Variants in NEDD4 observed in about 807,000 individuals in gnomAD.
The protein encoded by NEDD4 is NEDD4 E3 ubiquitin protein ligase.
A neutral mutation model predicts 144.9 loss-of-function variants in NEDD4; 99 were observed. The observed-to-expected ratio is 0.68, with a 90% CI of 0.58 to 0.81. NEDD4 has a LOEUF of 0.81. NEDD4 is among the 30% of genes least tolerant of loss of function. NEDD4 has a pLI of 0.00. For missense variants in NEDD4, 985 were observed against 1,065.9 expected, an observed-to-expected ratio of 0.92 and a Z score of 1.06; for synonymous variants, 318 against 350.6, an observed-to-expected ratio of 0.91 and a Z score of 1.04.
chr15:55,936,973 A>G (rs192911445), intron 4 of NEDD4, among the ~76,000 whole-genome samples: 154 of 152,016 alleles, frequency 1.0e-3, no homozygotes, highest in Admixed American at 2.4e-3. Context: ...TTGTATTTTT[A>G]GCAGAGATGA....
intron 1 of NEDD4, among the ~76,000 whole-genome samples, chr15:55,981,775 G>A (rs1429176662): frequency 6.6e-6 from 1 of 152,088 alleles, no homozygotes; most frequent in Non-Finnish European, 1.5e-5. Flanking sequence ...ACACACTGTG[G>A]GGTAGTCTGT....
At chr15:55,912,318 T>C (rs981081477) in intron 5 of NEDD4, among the ~76,000 whole-genome samples, 2 of 152,170 alleles carry the variant, frequency 1.3e-5, no homozygotes, top group African/African-American at 2.4e-5. Flanking sequence ...TATTGAAATG[T>C]ATAATCTTGA....
intron 5 of NEDD4, chr15:55,915,163 TA>T (rs1465834264): frequency 1.3e-6 from 1 of 789,078 alleles, no homozygotes; most frequent in African/African-American, 1.7e-5. Flanking sequence ...GACTACAAAA[TA>T]CTGCTAGCTA....
At chr15:55,865,370 T>A (rs2034551677) in intron 8 of NEDD4, among the ~76,000 whole-genome samples, 1 of 152,080 alleles carries the variant, frequency 6.6e-6, no homozygotes, top group Non-Finnish European at 1.5e-5. Flanking sequence ...GAATAATATC[T>A]AAATGTTTAA....
At chr15:55,956,529 A>G (rs1249757861) in intron 2 of NEDD4, among the ~76,000 whole-genome samples, 1 of 152,202 alleles carries the variant, frequency 6.6e-6, no homozygotes, top group African/African-American at 2.4e-5. Flanking sequence ...GTGTACTGAA[A>G]GACTACCCTT....
chr15:55,921,042 T>A (rs1322717175), intron 5 of NEDD4, among the ~76,000 whole-genome samples: 1 of 152,190 alleles, frequency 6.6e-6, no homozygotes, highest in Non-Finnish European at 1.5e-5. Context: ...ATATACCATA[T>A]CAGAGAGCTA....
chr15:55,942,373 G>A (rs1428258783), intron 4 of NEDD4, among the ~76,000 whole-genome samples: 2 of 152,156 alleles, frequency 1.3e-5, no homozygotes, highest in African/African-American at 4.8e-5. Flanking sequence ...AAAATCTCAT[G>A]TCAAATTGTA....
At chr15:55,872,021 T>G (rs2034816659) in intron 7 of NEDD4, among the ~76,000 whole-genome samples, 2 of 152,168 alleles carry the variant, frequency 1.3e-5, no homozygotes, top group South Asian at 2.1e-4. Context: ...TCTGAAATAC[T>G]AAGTATGCAA....
chr15:55,841,400 G>A (rs1253367632), intron 19 of NEDD4, among the ~76,000 whole-genome samples: 10 of 152,266 alleles, frequency 6.6e-5, no homozygotes, highest in African/African-American at 1.7e-4. Context: ...TGAGGTACCC[G>A]AGGAGTCAAA....
At chr15:55,848,739 C>T in intron 15 of NEDD4, 67 bp downstream of exon 15, 1 of 1,421,070 alleles carries the variant, frequency 7.0e-7, no homozygotes, top group South Asian at 1.2e-5. Context: ...TAAAGAAATA[C>T]TATACCCGAA....
At chr15:55,967,440 C>CTGTGTG (rs200788423) in intron 1 of NEDD4, among the ~76,000 whole-genome samples, 12,989 of 142,160 alleles carry the variant, frequency 0.091, 644 homozygotes, top group Admixed American at 0.14. Flanking sequence ...CATAACTATG[C>CTGTGTG]TGTGTGTGTG....
rs778235387 is a variant in NEDD4, at chr15:55,852,449, G to A, written c.1121C>T (p.Thr374Ile). The A allele has an allele frequency of 1.9e-6, 3 of 1,612,358 alleles. No homozygotes were observed. The Admixed American group carries it at 5.0e-5, about 27-fold the overall frequency. The change falls in exon 13 of 29, where the codon ACT becomes ATT. Residue 374 changes from threonine to isoleucine, a missense_variant. Thr to Ile is a moderately conservative substitution (Grantham distance 89). Coordinates refer to ENST00000435532, the MANE Select transcript of NEDD4 (RefSeq NM_006154.4). ...SYYVDHNSRT[T>I]TWTKPTVQAT... ...CTGTACAGTGGGCTTTGTCCAAGTA[G>A]TCGTTCTGGAATTGTGATCTACATA...
Position 55,872,548 on chromosome 15 carries a change from G to T in NEDD4, c.343-72C>A. The T allele has an allele frequency of 5.1e-6, 3 of 585,506 alleles. No individual in the cohort carries two copies. In the South Asian group the frequency reaches 1.2e-4, roughly 24 times the overall value. The allele number at this position is 585,506 out of a possible 1,614,324, so 36.3% of individuals were successfully genotyped here. A position where few individuals can be genotyped will look rare whatever the true frequency, so the allele number is the denominator to read the frequency against. On this transcript the variant is annotated intron_variant, in intron 6 of 28. Coordinates refer to ENST00000435532, the MANE Select transcript of NEDD4 (RefSeq NM_006154.4). ...GCATGTACTTTTCAAGAATACTCAT[G>T]AACTATCACCTAAGGCATAATTTAA... is the stretch of plus-strand genomic sequence containing the variant.
intron 2 of NEDD4, among the ~76,000 whole-genome samples, chr15:55,965,508 T>G (rs2037497285): frequency 6.6e-6 from 1 of 152,184 alleles, no homozygotes. Flanking sequence ...TCAGATCTTT[T>G]GTCTTCAGAT....
At chr15:55,853,019 G>A (rs1161080180) in intron 12 of NEDD4, among the ~76,000 whole-genome samples, 1 of 151,958 alleles carries the variant, frequency 6.6e-6, no homozygotes, top group African/African-American at 2.4e-5. Flanking sequence ...CCAAAGTGCT[G>A]GGATTACAGG....
chr15:55,871,621 A>G (rs1233111344), intron 7 of NEDD4, among the ~76,000 whole-genome samples: 4 of 152,192 alleles, frequency 2.6e-5, no homozygotes, highest in African/African-American at 9.6e-5. Context: ...GTAAATATTA[A>G]CAGTCAGTGA....
At chr15:55,984,384 G>A (rs79303748) in intron 1 of NEDD4, among the ~76,000 whole-genome samples, 4,578 of 152,222 alleles carry the variant, frequency 0.03, 87 homozygotes, top group Non-Finnish European at 0.047. Flanking sequence ...TAAAATGGGG[G>A]TAATACTTCC....
intron 1 of NEDD4, chr15:55,991,926 C>A (rs2037995320): frequency 6.6e-6 from 1 of 152,208 alleles, no homozygotes; most frequent in South Asian, 2.1e-4. Context: ...TGAATGATAC[C>A]TTTGGCACTA....
At chr15:55,967,151 T>C (rs2037527777) in intron 1 of NEDD4, among the ~76,000 whole-genome samples, 1 of 152,176 alleles carries the variant, frequency 6.6e-6, no homozygotes, top group Non-Finnish European at 1.5e-5. Context: ...TCCTAAAATG[T>C]TGAGATTTAC....
Sources: gnomAD v4.1 joint callset for allele counts (sites outside exome capture counted in the v4.1 genomes callset) on GRCh38, gnomAD v4.1.1 for gene constraint, MANE v1.5 for transcripts, NCBI Gene and HGNC (gene_info 2026-07-23, HGNC 2026-07-21) for gene names.